MDN1: variants seen among roughly 807,000 people sequenced by gnomAD.
MDN1 encodes the protein midasin.
In MDN1, 266 loss-of-function variants were observed where a neutral mutation model predicts 669.2. The observed-to-expected ratio is 0.40, with a 90% CI of 0.36 to 0.44. The LOEUF (loss-of-function observed/expected upper bound fraction) is 0.44, where lower values mean the gene tolerates loss of function less well. MDN1 is among the 20% of genes least tolerant of loss of function. MDN1 has a pLI of 1.00. For synonymous variants in MDN1, 2,385 were observed against 2,457.1 expected, an observed-to-expected ratio of 0.97 and a Z score of 0.87; for missense variants, 5,940 against 6,754.0, an observed-to-expected ratio of 0.88 and a Z score of 4.22.
chr6:89,695,175 T>G lies in MDN1; in HGVS notation c.9771+430A>C, dbSNP rs757003689. On this transcript the variant is annotated intron_variant, in intron 61 of 101. Transcript: ENST00000369393. This position sits in a 1 kb window ranked among gnomAD's most constrained non-coding sequence, Gnocchi z 4.1. ...TGAACCCAGGAGGCAGAGGTTGCAGTGAGCCGAGATTGTGCCACTGCACTC... is the reference window on the plus strand; with the variant it reads ...TGAACCCAGGAGGCAGAGGTTGCAGGGAGCCGAGATTGTGCCACTGCACTC... Among the ~76,000 whole-genome samples the G allele has an allele frequency of 4.7e-4, 72 of 152,136 alleles. No homozygotes were observed. The highest frequency in any genetic ancestry group is 8.7e-4 in the Non-Finnish European group (59 of 68,028).
intron 9 of MDN1, among the ~76,000 whole-genome samples, chr6:89,782,116 T>A (rs1421104783): frequency 6.6e-6 from 1 of 152,186 alleles, no homozygotes; most frequent in Admixed American, 6.5e-5. Context: ...TACCCAGAAC[T>A]CAGTTACCAG....
At position 89,729,115 on chromosome 6, in the gene MDN1, A is replaced by G. The variant is rs750459370; in HGVS notation, c.5165T>C (p.Ile1722Thr). 29 of 1,613,366 alleles carry G rather than the reference A, an allele frequency of 1.8e-5. No individual in the cohort carries two copies. The highest frequency in any genetic ancestry group is 2.0e-5 in the Non-Finnish European group (24 of 1,179,958). Residue 1722 changes from isoleucine (I) to threonine (T), a missense_variant, in exon 36 of 102, where the codon ATT becomes ACT. Transcript: ENST00000369393. Reference sequence around the variant, plus strand: ...CCCTGCACTGAGTGCATAGTCTGCAATATTATTCCTGTGTAGGACAGGTCC... The same window carrying G: ...CCCTGCACTGAGTGCATAGTCTGCAGTATTATTCCTGTGTAGGACAGGTCC... ...PRGPVLHRNNIADYALSAGTT... is the reference protein window; with the variant it reads ...PRGPVLHRNNTADYALSAGTT...
rs1004823492 is a variant in MDN1, at chr6:89,699,117, A to G, written c.8998-82T>C. On this transcript the variant is annotated intron_variant, in intron 58 of 101. Coordinates refer to ENST00000369393, the MANE Select transcript of MDN1 (RefSeq NM_014611.3). ...TTAGGTCTTCTTTCTTCTAAGGCCCATCTAAAACTGTCATAAGTTTAAAGG... is the reference window on the plus strand; with the variant it reads ...TTAGGTCTTCTTTCTTCTAAGGCCCGTCTAAAACTGTCATAAGTTTAAAGG... 3.2e-5 allele frequency: 40 copies of G among 1,250,504 alleles called. 1 individual carries two copies. The highest frequency in any genetic ancestry group is 4.0e-5 in the Non-Finnish European group (36 of 911,278). 77.5% of individuals were successfully genotyped at this position (1,250,504 alleles called of 1,614,324 possible).
intron 33 of MDN1, among the ~76,000 whole-genome samples, chr6:89,736,496 C>G (rs1815981836): frequency 6.6e-6 from 1 of 152,206 alleles, no homozygotes; most frequent in Non-Finnish European, 1.5e-5. Context: ...TTAACGATTT[C>G]TGTCTTCAGG....
In MDN1 at chr6:89,795,751, C is replaced by G. The variant is rs1475468842; in HGVS notation, c.330-950G>C. On this transcript the variant is annotated intron_variant, in intron 2 of 101. Transcript: ENST00000369393. ...GGCAGATCACCTGAGGTCAGGAGTTCTAGACAGCTGGACCAATATGGTGAA... is the reference window on the plus strand; with the variant it reads ...GGCAGATCACCTGAGGTCAGGAGTTGTAGACAGCTGGACCAATATGGTGAA... Among the ~76,000 whole-genome samples the G allele has an allele frequency of 2.6e-5, 4 of 151,992 alleles. No homozygotes were observed. The East Asian group carries it at 7.7e-4, about 29-fold the overall frequency.
At chr6:89,716,862 G>A (rs1453899830) in intron 43 of MDN1, 53 bp from the exon 44 acceptor site, 2 of 1,468,416 alleles carry the variant, frequency 1.4e-6, no homozygotes, top group African/African-American at 1.5e-5. Flanking sequence ...TTCAAACAAA[G>A]AATTAAGTTT....
chr6:89,800,710 A>C (rs1767585353), intron 2 of MDN1, among the ~76,000 whole-genome samples: 1 of 152,106 alleles, frequency 6.6e-6, no homozygotes, highest in Admixed American at 6.6e-5. Flanking sequence ...GAAGTCTCTG[A>C]TTGATAGCCT....
rs1213617696 is a variant in MDN1, at chr6:89,819,503, T to C, written c.102+3A>G. ...GCGCTTTCCCTCTCCCTTCACGTCT[T>C]ACCTGCTTGGCCAAGAACCTGCCCA... On this transcript the variant is annotated splice_donor_region_variant and intron_variant, in intron 1 of 101. Transcript: ENST00000369393. 1.9e-6 allele frequency: 3 copies of C among 1,605,566 alleles called. No homozygotes were observed. The highest frequency in any genetic ancestry group is 2.2e-5 in the East Asian group (1 of 44,876).
In MDN1 at chr6:89,758,863, A is replaced by G; in HGVS notation, c.2558T>C (p.Leu853Pro). ...PEILECLSGL[L>P]EGSSGSLVLL... The stretch of plus-strand genomic sequence containing the variant: ...CACCAGGGATCCAGAAGATCCTTCA[A>G]GCAAACCACTCAGACATTCTAGTAT... The change falls in exon 18 of 102, where the codon CTT (leucine) becomes CCT (proline). Residue 853 changes from leucine to proline, a missense_variant. Leu to Pro is a moderately conservative substitution (Grantham distance 98). Transcript: ENST00000369393. The G allele has an allele frequency of 6.2e-7, 1 of 1,614,192 alleles. No individual in the cohort carries two copies. Among genetic ancestry groups the G allele is most frequent in the Non-Finnish European group, 8.5e-7 (1 of 1,180,038 alleles).
intron 15 of MDN1, among the ~76,000 whole-genome samples, chr6:89,769,105 C>G (rs1308550589): frequency 6.6e-6 from 1 of 151,866 alleles, no homozygotes; most frequent in African/African-American, 2.4e-5. Context: ...ATTTAACATA[C>G]TGGACACATG....
chr6:89,803,894 T>C lies in MDN1; in HGVS notation c.103-340A>G, dbSNP rs111680897. 1.7e-4 allele frequency among the ~76,000 whole-genome samples: 14 copies of C among 81,296 alleles called. 1 individual carries two copies. The highest frequency in any genetic ancestry group is 3.0e-4 in the Admixed American group (2 of 6,686). 53.3% of individuals were successfully genotyped at this position (81,296 alleles called of 152,430 possible). A position where few individuals can be genotyped will look rare whatever the true frequency, so the allele number is the denominator to read the frequency against. On this transcript the variant is annotated intron_variant, in intron 1 of 101. Coordinates refer to ENST00000369393, the MANE Select transcript of MDN1 (RefSeq NM_014611.3). The stretch of plus-strand genomic sequence containing the variant: ...CCGCGCCCGGCCTTTTCTTTTCTTT[T>C]CTTTTTTTTTTTTTTTTTTTTTTTG...
intron 2 of MDN1, among the ~76,000 whole-genome samples, chr6:89,796,335 AAAAAAAAAAAAAAAAC>A (rs2128327687): frequency 8.8e-6 from 1 of 113,354 alleles, no homozygotes; most frequent in South Asian, 3.1e-4. Flanking sequence ...AAAAAAAAAA[AAAAAAAAAAAAAAAAC>A]AAAAAAAAAA....
chr6:89,797,769 A>G (rs1233081112), intron 2 of MDN1: 2 of 336,380 alleles, frequency 5.9e-6, no homozygotes, highest in Non-Finnish European at 1.2e-5. Flanking sequence ...ACCAGGTCTA[A>G]GGCCTACTGC....
intron 84 of MDN1, among the ~76,000 whole-genome samples, chr6:89,665,706 CAAAAAAAAAAAAAAA>C (rs61352567): frequency 7.9e-6 from 1 of 126,250 alleles, no homozygotes; most frequent in African/African-American, 2.9e-5. Flanking sequence ...GACTCCGTTT[CAAAAAAAAAAAAAAA>C]AAAAAAAAGA....
At chr6:89,768,099 G>C (rs777872948) in intron 15 of MDN1, among the ~76,000 whole-genome samples, 3 of 152,070 alleles carry the variant, frequency 2.0e-5, no homozygotes, top group Non-Finnish European at 2.9e-5. Flanking sequence ...GCCAAGTACA[G>C]TGGCTCATGC....
intron 1 of MDN1, among the ~76,000 whole-genome samples, chr6:89,807,370 G>A (rs180853247): frequency 9.8e-5 from 15 of 152,290 alleles, no homozygotes; most frequent in Non-Finnish European, 1.8e-4. Context: ...ACAGGCATGC[G>A]CCACCACGCA....
intron 97 of MDN1, 96 bp from the exon 98 acceptor site, chr6:89,648,425 T>A: frequency 1.7e-6 from 2 of 1,208,800 alleles, no homozygotes; most frequent in Non-Finnish European, 2.4e-6. Context: ...AAAGAAAACA[T>A]TTTTTTGTTT....
At chr6:89,696,051 T>C in intron 60 of MDN1, 59 bp from the exon 61 acceptor site, 1 of 1,528,316 alleles carries the variant, frequency 6.5e-7, no homozygotes, top group Non-Finnish European at 8.8e-7. Context: ...GCATTCCTTT[T>C]CATACAGTAT....
At chr6:89,665,706 CAAAAA>C (rs61352567) in intron 84 of MDN1, among the ~76,000 whole-genome samples, 1 of 126,288 alleles carries the variant, frequency 7.9e-6, no homozygotes, top group African/African-American at 2.9e-5. Context: ...GACTCCGTTT[CAAAAA>C]AAAAAAAAAA....
Sources: gnomAD v4.1 joint callset for allele counts (sites outside exome capture counted in the v4.1 genomes callset) on GRCh38, gnomAD v4.1.1 for gene constraint, Gnocchi (gnomAD v3.1) non-coding constraint, MANE v1.5 for transcripts, NCBI Gene and HGNC (gene_info 2026-07-23, HGNC 2026-07-21) for gene names.